The following TNFAIP8L3 variants were observed in gnomAD, a reference collection of about 807,000 sequenced individuals.
TNFAIP8L3 encodes TNF alpha induced protein 8 like 3.
A neutral mutation model predicts 11.8 loss-of-function variants in TNFAIP8L3; 7 were observed. That is an observed-to-expected ratio of 0.59 (90% CI 0.34 to 1.11). The LOEUF (loss-of-function observed/expected upper bound fraction) is 1.11, where lower values mean the gene tolerates loss of function less well. Among genes scored for constraint, TNFAIP8L3 ranks in the 50% most tolerant of loss-of-function variants. The probability of loss-of-function intolerance (pLI) is 0.03; values close to 1 mark genes in which losing one functional copy is unlikely to be tolerated. For synonymous variants in TNFAIP8L3, 98 were observed against 103.8 expected (o/e 0.94, Z 0.34); for missense variants, 219 against 258.6 (o/e 0.85, Z 1.05).
rs1297946453 is a variant in TNFAIP8L3 at position 51,061,737 on chromosome 15, C to CAA, written c.53-3296_53-3295dup. Reference sequence around the variant, plus strand: ...ATTCCAGGGACCATAAATCTCTAGGCAAAAATTAAAAATTTTCCTTTGGAG... The same window carrying CAA: ...ATTCCAGGGACCATAAATCTCTAGGCAAAAAAATTAAAAATTTTCCTTTGGAG... On this transcript the variant is annotated intron_variant, in intron 1 of 1. Coordinates refer to ENST00000637513, the MANE Select transcript of TNFAIP8L3 (RefSeq NM_001311175.2). Among the ~76,000 whole-genome samples, 8 of 152,088 alleles carry CAA rather than the reference C, an allele frequency of 5.3e-5. No homozygotes were observed. The South Asian group carries it at 1.0e-3, about 20-fold the overall frequency.
intron 1 of TNFAIP8L3, among the ~76,000 whole-genome samples, chr15:51,086,894 C>CTT (rs771443209): frequency 6.2e-5 from 9 of 145,806 alleles, no homozygotes; most frequent in Non-Finnish European, 1.2e-4. Context: ...GCTACAACTT[C>CTT]TTTTTTTTTT....
In TNFAIP8L3 at chr15:51,058,403, G is replaced by T. The variant is rs770012482; in HGVS notation, c.93C>A (p.Ala31=). ...VFSSKSLALQ[A]QKKILSKIAS... ...CTATTTTGCTCAGAATCTTCTTCTG[G>T]GCTTGAAGCGCAAGACTCTTTGAAC... The change falls in exon 2 of 2, where the codon GCC becomes GCA. Residue 31 remains alanine, a synonymous_variant. Transcript: ENST00000637513. The T allele has an allele frequency of 1.2e-5, 20 of 1,610,848 alleles. No individual in the cohort carries two copies. In the Admixed American group the frequency reaches 3.0e-4, roughly 24 times the overall value.
intron 1 of TNFAIP8L3, among the ~76,000 whole-genome samples, chr15:51,058,658 C>T (rs570571683): frequency 5.9e-5 from 9 of 152,306 alleles, no homozygotes; most frequent in South Asian, 2.1e-4. Context: ...ATCCTCTAAA[C>T]TGTGCTTATG....
At chr15:51,085,621 C>CTT (rs201800961) in intron 1 of TNFAIP8L3, among the ~76,000 whole-genome samples, 2 of 140,366 alleles carry the variant, frequency 1.4e-5, no homozygotes, top group Admixed American at 7.1e-5. Context: ...AGCTCCGATT[C>CTT]TTTTTTTTTT....
chr15:51,065,319 T>C (rs904137236), intron 1 of TNFAIP8L3, among the ~76,000 whole-genome samples: 1 of 152,130 alleles, frequency 6.6e-6, no homozygotes, highest in Non-Finnish European at 1.5e-5. Context: ...AAGCAAAAGA[T>C]AATTTAAGGG....
intron 1 of TNFAIP8L3, among the ~76,000 whole-genome samples, chr15:51,081,521 C>T (rs1445385684): frequency 6.6e-6 from 1 of 152,176 alleles, no homozygotes; most frequent in Non-Finnish European, 1.5e-5. Flanking sequence ...TGCTCTTGGC[C>T]CTCACCTGGC....
In TNFAIP8L3 at chr15:51,094,416, G is replaced by T; in HGVS notation, c.52+128C>A. 1 of 1,124,050 alleles carries T rather than the reference G, an allele frequency of 8.9e-7. No individual in the cohort carries two copies. The highest frequency in any genetic ancestry group is 1.1e-6 in the Non-Finnish European group (1 of 880,060). 69.6% of individuals were successfully genotyped at this position (1,124,050 alleles called of 1,614,324 possible). ...AAGCCCCAAAGCAAACTCACGACGC[G>T]GAGCAATCCCCAGTCTTGGCCTGGA... On this transcript the variant is annotated intron_variant, in intron 1 of 1. Coordinates refer to ENST00000637513, the MANE Select transcript of TNFAIP8L3 (RefSeq NM_001311175.2). This position sits in a 1 kb window ranked among gnomAD's most constrained non-coding sequence, Gnocchi z 4.4.
At chr15:51,077,403 CCGCCT>C (rs983024216) in intron 1 of TNFAIP8L3, among the ~76,000 whole-genome samples, 1 of 152,192 alleles carries the variant, frequency 6.6e-6, no homozygotes, top group African/African-American at 2.4e-5. Context: ...CCCAGCTGCC[CCGCCT>C]GTCTCCCCAG....
intron 1 of TNFAIP8L3, among the ~76,000 whole-genome samples, chr15:51,077,641 G>A (rs1476323008): frequency 6.6e-6 from 1 of 152,224 alleles, no homozygotes; most frequent in African/African-American, 2.4e-5. Context: ...CAGTCTGAAA[G>A]CTGAAAGACC....
chr15:51,083,349 C>T (rs528486982), intron 1 of TNFAIP8L3, among the ~76,000 whole-genome samples: 38 of 152,244 alleles, frequency 2.5e-4, no homozygotes, highest in African/African-American at 7.7e-4. Flanking sequence ...CTAACAATCC[C>T]GTTACAACAG....
chr15:51,099,885 G>A (rs1445695582), upstream of TNFAIP8L3, among the ~76,000 whole-genome samples: 1 of 152,184 alleles, frequency 6.6e-6, no homozygotes, highest in Non-Finnish European at 1.5e-5. Flanking sequence ...CCAAAGACTG[G>A]GTGGGGCAAT....
intron 1 of TNFAIP8L3, among the ~76,000 whole-genome samples, chr15:51,076,172 ACAAGT>A (rs1288682650): frequency 5.3e-5 from 8 of 152,230 alleles, no homozygotes; most frequent in Admixed American, 2.6e-4. Context: ...CGGATTTAAG[ACAAGT>A]CAAGCCACAT....
chr15:51,097,011 A>G (rs927156577), upstream of TNFAIP8L3, among the ~76,000 whole-genome samples: 1 of 152,180 alleles, frequency 6.6e-6, no homozygotes, highest in Non-Finnish European at 1.5e-5. Context: ...ATAGCTTTTC[A>G]GTTATAAGGT....
chr15:51,072,311 T>C (rs2065314795), intron 1 of TNFAIP8L3, among the ~76,000 whole-genome samples: 2 of 152,204 alleles, frequency 1.3e-5, no homozygotes, highest in African/African-American at 4.8e-5. Flanking sequence ...CGGCTAATTT[T>C]GTATTTTTAG....
Position 51,094,718 on chromosome 15 carries a change from C to G in TNFAIP8L3, c.-123G>C. 8.1e-6 allele frequency: 8 copies of G among 987,038 alleles called. No individual in the cohort carries two copies. Among genetic ancestry groups the G allele is most frequent in the Non-Finnish European group, 9.6e-6 (8 of 832,800 alleles). 61.1% of individuals were successfully genotyped at this position (987,038 alleles called of 1,614,324 possible). A position where few individuals can be genotyped will look rare whatever the true frequency, so the allele number is the denominator to read the frequency against. ...GCCCGGGCGGCGCGGGCGGCGCGGG[C>G]TGGGCGGTGCGCGGCGGCAGCGGCC... On this transcript the variant is annotated 5_prime_UTR_variant, in exon 1 of 2. Transcript: ENST00000637513. The surrounding 1 kb of genome is among the most constrained non-coding windows in gnomAD (Gnocchi z 4.4).
At chr15:51,092,184 C>T (rs539453610) in intron 1 of TNFAIP8L3, among the ~76,000 whole-genome samples, 2 of 152,236 alleles carry the variant, frequency 1.3e-5, no homozygotes, top group African/African-American at 2.4e-5. Flanking sequence ...AGGAAGCAGC[C>T]CTTATGTCTC....
chr15:51,067,311 C>A (rs1413392960), intron 1 of TNFAIP8L3, among the ~76,000 whole-genome samples: 1 of 152,130 alleles, frequency 6.6e-6, no homozygotes, highest in African/African-American at 2.4e-5. Flanking sequence ...AGCCACCTGC[C>A]TTGAAGACAG....
chr15:51,094,600 C>G lies in TNFAIP8L3; in HGVS notation c.-5G>C, dbSNP rs1181781878. On this transcript the variant is annotated 5_prime_UTR_variant, in exon 1 of 2. Transcript: ENST00000637513. The surrounding 1 kb of genome is among the most constrained non-coding windows in gnomAD (Gnocchi z 4.4). ...CTCCCCGGAATCCGAATCCATGCTG[C>G]GGGCTGCTGGCTGGGCGTCCACGGC... 6.7e-7 allele frequency: 1 copy of G among 1,484,106 alleles called. No homozygotes were observed. The highest frequency in any genetic ancestry group is 2.9e-5 in the East Asian group (1 of 33,924). 91.9% of individuals were successfully genotyped at this position (1,484,106 alleles called of 1,614,324 possible). A position where few individuals can be genotyped will look rare whatever the true frequency, so the allele number is the denominator to read the frequency against.
chr15:51,060,824 C>T (rs1368763077), intron 1 of TNFAIP8L3, among the ~76,000 whole-genome samples: 2 of 152,190 alleles, frequency 1.3e-5, no homozygotes, highest in Admixed American at 6.5e-5. Flanking sequence ...TCACATATCC[C>T]CATAAGATTT....
Sources: gnomAD v4.1 joint callset for allele counts (sites outside exome capture counted in the v4.1 genomes callset) on GRCh38, gnomAD v4.1.1 for gene constraint, Gnocchi (gnomAD v3.1) non-coding constraint, MANE v1.5 for transcripts, NCBI Gene and HGNC (gene_info 2026-07-23, HGNC 2026-07-21) for gene names.